NNT: variants seen among roughly 807,000 people sequenced by gnomAD.
NNT encodes nicotinamide nucleotide transhydrogenase, also known as NAD(P) transhydrogenase, mitochondrial.
NNT carries 50 observed loss-of-function variants against 104.8 expected under a neutral mutation model. That is an observed-to-expected ratio of 0.48 (90% CI 0.38 to 0.60). The LOEUF (loss-of-function observed/expected upper bound fraction) is 0.60. NNT is among the 20% of genes least tolerant of loss of function. The probability of loss-of-function intolerance (pLI) is 0.00; values close to 1 mark genes in which losing one functional copy is unlikely to be tolerated. For synonymous variants in NNT, 461 were observed against 490.4 expected (o/e 0.94, Z 0.79); for missense variants, 1,131 against 1,330.7 (o/e 0.85, Z 2.33).
chr5:43,691,393 C>G (rs1742276489), intron 19 of NNT, among the ~76,000 whole-genome samples: 1 of 152,158 alleles, frequency 6.6e-6, no homozygotes, highest in Non-Finnish European at 1.5e-5. Flanking sequence ...TGTGAGCCAC[C>G]ATGCCCGGCC....
rs1311454617 is a variant in NNT, at chr5:43,702,687, A to G, written c.3062A>G (p.Asn1021Ser). 1 of 1,613,060 alleles carries G rather than the reference A, an allele frequency of 6.2e-7. No homozygotes were observed. The highest frequency in any genetic ancestry group is 8.5e-7 in the Non-Finnish European group (1 of 1,179,420). The change falls in exon 21 of 22, where the codon AAC becomes AGC. Residue 1021 changes from asparagine (N) to serine (S), a missense_variant. Coordinates refer to ENST00000344920, the MANE Select transcript of NNT (RefSeq NM_182977.3). ...TVNSAAQEDP[N>S]SIIAGMPVLE... is the part of the protein sequence containing the mutation. Reference sequence around the variant, plus strand: ...AATTCAGCAGCTCAAGAAGATCCCAACTCTATTATTGCAGGCATGCCAGTC... The same window carrying G: ...AATTCAGCAGCTCAAGAAGATCCCAGCTCTATTATTGCAGGCATGCCAGTC...
At chr5:43,686,084 T>A (rs959164632) in intron 19 of NNT, among the ~76,000 whole-genome samples, 1 of 152,164 alleles carries the variant, frequency 6.6e-6, no homozygotes, top group African/African-American at 2.4e-5. Context: ...AAGATCAGGT[T>A]GTTTCATTTG....
At chr5:43,672,366 T>C (rs1448048238) in intron 17 of NNT, among the ~76,000 whole-genome samples, 1 of 152,178 alleles carries the variant, frequency 6.6e-6, no homozygotes, top group Admixed American at 6.5e-5. Flanking sequence ...GCGCTCTGAT[T>C]TTTAGAATTT....
intron 5 of NNT, among the ~76,000 whole-genome samples, chr5:43,619,672 T>C (rs1005087744): frequency 2.0e-5 from 3 of 152,218 alleles, no homozygotes; most frequent in Non-Finnish European, 4.4e-5. Context: ...GAGGTCATAT[T>C]GTGATCCTTC....
intron 4 of NNT, among the ~76,000 whole-genome samples, chr5:43,617,119 G>A (rs114487811): frequency 0.014 from 2,197 of 152,206 alleles, 31 homozygotes; most frequent in Non-Finnish European, 0.025. Context: ...AGCCTGTAAG[G>A]GAGTTATATT....
intron 3 of NNT, among the ~76,000 whole-genome samples, 168 bp from the exon 4 acceptor site, chr5:43,615,680 C>G (rs967343913): frequency 3.3e-5 from 5 of 152,054 alleles, no homozygotes; most frequent in African/African-American, 9.7e-5. Flanking sequence ...GATGGTATAC[C>G]TCTGTGTGTG....
intron 2 of NNT, 46 bp from the exon 3 acceptor site, chr5:43,612,862 G>GT (rs768242163): frequency 4.3e-5 from 60 of 1,388,044 alleles, no homozygotes; most frequent in East Asian, 2.5e-4. Flanking sequence ...TTTTTTGTTT[G>GT]TTTTTTTACC....
chr5:43,694,774 G>GTGTA lies in NNT; in HGVS notation c.2877-5342_2877-5341insATGT, dbSNP rs1260752554. Among the ~76,000 whole-genome samples, 14 of 151,142 alleles carry GTGTA rather than the reference G, an allele frequency of 9.3e-5. 2 individuals carry two copies. In the South Asian group the frequency reaches 2.1e-3, roughly 23 times the overall value. ...TGTGTGTGTGTGTGTGTGTGTGTGT[G>GTGTA]TGTGTGTCTGACAGATTTTGGTATC... On this transcript the variant is annotated intron_variant, in intron 19 of 21. Coordinates refer to ENST00000344920, the MANE Select transcript of NNT (RefSeq NM_182977.3).
chr5:43,650,393 C>T, intron 11 of NNT, 84 bp from the exon 12 acceptor site: 1 of 924,140 alleles, frequency 1.1e-6, no homozygotes, highest in African/African-American at 1.6e-5. Flanking sequence ...CTCTATGAAT[C>T]TATGTATGTG....
intron 14 of NNT, among the ~76,000 whole-genome samples, chr5:43,654,321 G>A (rs567519504): frequency 3.3e-5 from 5 of 152,304 alleles, no homozygotes; most frequent in African/African-American, 7.2e-5. Context: ...TTGTCCAGAC[G>A]TGAGAAAGTG....
chr5:43,613,658 A>G (rs901471158), intron 3 of NNT: 14 of 152,634 alleles, frequency 9.2e-5, no homozygotes, highest in African/African-American at 3.1e-4. Flanking sequence ...AAGGTAATAT[A>G]TAACAGAAAT....
intron 17 of NNT, among the ~76,000 whole-genome samples, chr5:43,661,821 T>G (rs1169896069): frequency 6.6e-6 from 1 of 152,006 alleles, no homozygotes; most frequent in Non-Finnish European, 1.5e-5. Context: ...TGGTGGACAT[T>G]TGGGTTGGTT....
At chr5:43,657,277 C>G (rs114769694) in intron 16 of NNT, among the ~76,000 whole-genome samples, 366 of 152,306 alleles carry the variant, frequency 2.4e-3, no homozygotes, top group African/African-American at 8.2e-3. Context: ...TTAAAAAACC[C>G]TGTATGCTCA....
At chr5:43,678,263 G>C (rs1342706457) in intron 19 of NNT, among the ~76,000 whole-genome samples, 1 of 152,138 alleles carries the variant, frequency 6.6e-6, no homozygotes, top group Non-Finnish European at 1.5e-5. Context: ...GACCCTCTCA[G>C]CTCAAACCCA....
chr5:43,642,389 G>T (rs1234950857), intron 7 of NNT, among the ~76,000 whole-genome samples: 1 of 152,190 alleles, frequency 6.6e-6, no homozygotes. Context: ...AAATTCTCAT[G>T]GTTGAGTAAA....
At chr5:43,629,755 G>A (rs980422238) in intron 7 of NNT, among the ~76,000 whole-genome samples, 5 of 151,958 alleles carry the variant, frequency 3.3e-5, no homozygotes, top group Admixed American at 6.6e-5. Context: ...TCATATGTTC[G>A]TTGGCCATTT....
intron 17 of NNT, among the ~76,000 whole-genome samples, chr5:43,669,252 C>T (rs1229046686): frequency 6.6e-6 from 1 of 152,000 alleles, no homozygotes; most frequent in Non-Finnish European, 1.5e-5. Flanking sequence ...TTCCTCTTTT[C>T]CTAATTGAAT....
intron 7 of NNT, among the ~76,000 whole-genome samples, chr5:43,630,433 T>C (rs756448095): frequency 2.0e-5 from 3 of 152,240 alleles, no homozygotes; most frequent in Non-Finnish European, 2.9e-5. Flanking sequence ...TATTTTTCTA[T>C]ATATGTGAGA....
chr5:43,692,193 ATT>A (rs71610329), intron 19 of NNT, among the ~76,000 whole-genome samples: 2 of 151,012 alleles, frequency 1.3e-5, no homozygotes, highest in East Asian at 1.9e-4. Flanking sequence ...AAAAGTTTTA[ATT>A]TTTTTTTTCT....
Sources: gnomAD v4.1 joint callset for allele counts (sites outside exome capture counted in the v4.1 genomes callset) on GRCh38, gnomAD v4.1.1 for gene constraint, MANE v1.5 for transcripts, NCBI Gene and HGNC (gene_info 2026-07-23, HGNC 2026-07-21) for gene names.